CYTH3: variants seen among roughly 807,000 people sequenced by gnomAD.
The protein encoded by CYTH3 is cytohesin 3, also known as cytohesin-3.
Under a neutral mutation model 55.1 loss-of-function variants are expected in CYTH3, and 23 were observed. That is an observed-to-expected ratio of 0.42 (90% CI 0.30 to 0.59). CYTH3 has a LOEUF of 0.59. Ranked by LOEUF, CYTH3 falls within the 20% of genes least tolerant of loss-of-function variation. The pLI is 0.20. For missense variants in CYTH3, 413 were observed against 524.8 expected (o/e 0.79, Z 2.08); for synonymous variants, 249 against 194.9 (o/e 1.28, Z -2.31).
At chr7:6,187,861 A>G in intron 2 of CYTH3, 140 bp from the exon 3 acceptor site, 3 of 710,082 alleles carry the variant, frequency 4.2e-6, no homozygotes, top group Non-Finnish European at 7.6e-6. Context: ...CAATACTATT[A>G]TCAATACAGC....
At chr7:6,174,539 G>GTTTTTTTTTT (rs760279977) in intron 5 of CYTH3, among the ~76,000 whole-genome samples, 1 of 89,794 alleles carries the variant, frequency 1.1e-5, no homozygotes, top group African/African-American at 5.2e-5. Context: ...CTCCTTGTGG[G>GTTTTTTTTTT]TTTTTTTTTT....
chr7:6,252,894 A>T (rs1198111142), intron 1 of CYTH3, among the ~76,000 whole-genome samples: 1 of 152,200 alleles, frequency 6.6e-6, no homozygotes, highest in Non-Finnish European at 1.5e-5. Flanking sequence ...GTTAAGCCAG[A>T]TAACTACCTC....
intron 1 of CYTH3, among the ~76,000 whole-genome samples, chr7:6,192,050 A>C (rs1356379554): frequency 6.6e-6 from 1 of 152,078 alleles, no homozygotes; most frequent in Non-Finnish European, 1.5e-5. Flanking sequence ...TGTGAGGCTG[A>C]CTGTGCCACT....
intron 1 of CYTH3, among the ~76,000 whole-genome samples, chr7:6,248,038 T>C (rs1312041008): frequency 1.3e-5 from 2 of 152,008 alleles, no homozygotes; most frequent in African/African-American, 4.8e-5. Context: ...ACCACTTATT[T>C]GTGTTTCTTG....
chr7:6,271,997 T>C (rs1780672750), intron 1 of CYTH3, among the ~76,000 whole-genome samples: 1 of 152,246 alleles, frequency 6.6e-6, no homozygotes, highest in South Asian at 2.1e-4. Flanking sequence ...CCTCCCGTCC[T>C]GTACACTCGA....
chr7:6,262,045 A>G (rs147563224), intron 1 of CYTH3, among the ~76,000 whole-genome samples: 11 of 152,352 alleles, frequency 7.2e-5, no homozygotes, highest in African/African-American at 2.2e-4. Context: ...GGAAAAGACA[A>G]TAATGGAAAT....
rs1379904625 is a variant in CYTH3 at position 6,195,358 on chromosome 7, C to T, written c.35-4827G>A. Among the ~76,000 whole-genome samples the T allele has an allele frequency of 2.0e-5, 3 of 152,178 alleles. 1 individual carries two copies. The highest frequency in any genetic ancestry group is 4.1e-4 in the South Asian group (2 of 4,830). ...AAACAGAAAAAAATAAAATATGCTTCACAAAGATACAAATAATACAATTAA... is the reference window on the plus strand; with the variant it reads ...AAACAGAAAAAAATAAAATATGCTTTACAAAGATACAAATAATACAATTAA... On this transcript the variant is annotated intron_variant, in intron 1 of 12. Transcript: ENST00000350796.
intron 1 of CYTH3, among the ~76,000 whole-genome samples, chr7:6,207,786 C>T (rs1784228783): frequency 6.6e-6 from 1 of 152,080 alleles, no homozygotes; most frequent in Non-Finnish European, 1.5e-5. Flanking sequence ...TCCATCTCCA[C>T]AACAAATACA....
At chr7:6,205,921 A>G (rs894218539) in intron 1 of CYTH3, among the ~76,000 whole-genome samples, 1 of 151,074 alleles carries the variant, frequency 6.6e-6, no homozygotes, top group Non-Finnish European at 1.5e-5. Flanking sequence ...TTTAGAAAAT[A>G]ATTTTGTTGA....
chr7:6,165,297 T>A lies in CYTH3; in HGVS notation c.1103A>T (p.Lys368Met). The stretch of plus-strand genomic sequence containing the variant: ...CTTGATGGATTTCATCCACTCCTCC[T>A]TCTCCTCCGGGCTCGGGGCTGAGAT... ...YRISAPSPEE[K>M]EEWMKSIKAS... The change falls in exon 12 of 13, where the codon AAG becomes ATG. Residue 368 changes from lysine (K) to methionine (M), a missense_variant. By Grantham distance (95) the Lys-to-Met change is moderately conservative (BLOSUM62 -1). Transcript: ENST00000350796. 2 of 1,613,536 alleles carry A rather than the reference T, an allele frequency of 1.2e-6. No homozygotes were observed. Among genetic ancestry groups the A allele is most frequent in the Non-Finnish European group, 1.7e-6 (2 of 1,179,804 alleles).
intron 1 of CYTH3, among the ~76,000 whole-genome samples, chr7:6,200,207 T>A (rs1372531556): frequency 6.6e-6 from 1 of 152,238 alleles, no homozygotes; most frequent in Admixed American, 6.5e-5. Context: ...ATATTATTAA[T>A]CTAGTTATCT....
At chr7:6,195,004 A>C (rs1033938513) in intron 1 of CYTH3, among the ~76,000 whole-genome samples, 4 of 152,068 alleles carry the variant, frequency 2.6e-5, no homozygotes, top group South Asian at 4.1e-4. Flanking sequence ...TAATTTTAAA[A>C]AAAGAAAAAA....
intron 1 of CYTH3, among the ~76,000 whole-genome samples, chr7:6,257,671 T>C (rs999546574): frequency 6.6e-6 from 1 of 152,182 alleles, no homozygotes; most frequent in Non-Finnish European, 1.5e-5. Context: ...AGAGAAAAGG[T>C]GTTTTTCTCT....
intron 1 of CYTH3, among the ~76,000 whole-genome samples, chr7:6,194,072 C>T (rs896673841): frequency 6.6e-6 from 1 of 152,208 alleles, no homozygotes; most frequent in African/African-American, 2.4e-5. Flanking sequence ...CGGCCTTCTG[C>T]TGCACTCAGA....
intron 1 of CYTH3, among the ~76,000 whole-genome samples, chr7:6,225,895 G>A (rs559256796): frequency 6.6e-6 from 1 of 151,696 alleles, no homozygotes; most frequent in African/African-American, 2.4e-5. Context: ...GGCCAGACTG[G>A]TCTTGAACTC....
At chr7:6,218,877 C>T (rs897077638) in intron 1 of CYTH3, among the ~76,000 whole-genome samples, 1 of 151,928 alleles carries the variant, frequency 6.6e-6, no homozygotes, top group African/African-American at 2.4e-5. Flanking sequence ...TGGTGGCGCA[C>T]ACCTGTAGTC....
chr7:6,256,538 G>A (rs1364536845), intron 1 of CYTH3, among the ~76,000 whole-genome samples: 1 of 152,156 alleles, frequency 6.6e-6, no homozygotes, highest in Admixed American at 6.5e-5. Flanking sequence ...AATCATAATA[G>A]GTAATACTTG....
rs539285519 is a variant in CYTH3, at chr7:6,220,784, T to A, written c.35-30253A>T. 4.5e-4 allele frequency among the ~76,000 whole-genome samples: 69 copies of A among 152,080 alleles called. 1 individual carries two copies. The highest frequency in any genetic ancestry group is 1.6e-3 in the African/African-American group (65 of 41,480). ...GCCGAGGCAGGTGGAATGCCTGAGC[T>A]CAGGAGTTCGAGACCAGCCTGGGCA... is the stretch of plus-strand genomic sequence containing the variant. On this transcript the variant is annotated intron_variant, in intron 1 of 12. Coordinates refer to ENST00000350796, the MANE Select transcript of CYTH3 (RefSeq NM_004227.4).
intron 1 of CYTH3, among the ~76,000 whole-genome samples, chr7:6,264,023 G>T (rs1292482965): frequency 6.6e-6 from 1 of 152,036 alleles, no homozygotes; most frequent in East Asian, 1.9e-4. Flanking sequence ...GAGGCCGGCA[G>T]ATCATCTGAG....
Sources: allele counts gnomAD v4.1 joint callset (sites outside exome capture counted in the v4.1 genomes callset), GRCh38; gene constraint gnomAD v4.1.1; transcripts MANE v1.5; gene names NCBI Gene and HGNC (gene_info 2026-07-23, HGNC 2026-07-21).